Variants in F5 observed in about 807,000 individuals in gnomAD.
The protein encoded by F5 is activated protein c cofactor.
F5 carries 138 observed loss-of-function variants against 216.4 expected under a neutral mutation model. The observed-to-expected ratio is 0.64, with a 90% CI of 0.56 to 0.73. F5 has a LOEUF of 0.73. F5 is among the 30% of genes least tolerant of loss of function. The pLI, the probability that F5 is intolerant of heterozygous loss-of-function variation, is 0.00. For missense variants in F5, 2,403 were observed against 2,674.0 expected, an observed-to-expected ratio of 0.90 and a Z score of 2.24; for synonymous variants, 916 against 930.7, an observed-to-expected ratio of 0.98 and a Z score of 0.29.
chr1:169,564,612 C>T (rs926376174), intron 3 of F5, among the ~76,000 whole-genome samples: 1 of 152,010 alleles, frequency 6.6e-6, no homozygotes, highest in African/African-American at 2.4e-5. Context: ...AATCTGGTTC[C>T]TTATGTTCTG....
intron 2 of F5, among the ~76,000 whole-genome samples, chr1:169,574,536 C>T (rs1571600315): frequency 6.6e-6 from 1 of 152,294 alleles, no homozygotes; most frequent in East Asian, 1.9e-4. Flanking sequence ...AGAAGGAAGT[C>T]ACGGCACTCA....
intron 23 of F5, 99 bp from the exon 24 acceptor site, chr1:169,515,725 T>A: frequency 8.0e-7 from 1 of 1,245,944 alleles, no homozygotes. Context: ...TCAAAAGGAT[T>A]TTGTTCTATC....
Position 169,581,582 on chromosome 1 carries a change from G to A in F5, c.250+849C>T, listed in dbSNP as rs374094884. Among the ~76,000 whole-genome samples the A allele has an allele frequency of 3.3e-4, 50 of 152,280 alleles. 1 individual carries two copies. The South Asian group carries it at 0.01, about 31-fold the overall frequency. ...AGATTAAAGGAGATCAGAAGAGGCAGGACAGACTAGGATGATTCTGGGAAA... is the reference window on the plus strand; with the variant it reads ...AGATTAAAGGAGATCAGAAGAGGCAAGACAGACTAGGATGATTCTGGGAAA... On this transcript the variant is annotated intron_variant, in intron 2 of 24. Transcript: ENST00000367797.
rs186923190 is a variant in F5, at chr1:169,578,789, G to A, written c.250+3642C>T. On this transcript the variant is annotated intron_variant, in intron 2 of 24. Coordinates refer to ENST00000367797, the MANE Select transcript of F5 (RefSeq NM_000130.5). ...CTACAAACTTAATTTTATTTGCAAC[G>A]TTATCCTCTGCTTTCCTGGCCCCCC... 4.3e-3 allele frequency among the ~76,000 whole-genome samples: 660 copies of A among 152,174 alleles called. 4 individuals are homozygous for A. Among genetic ancestry groups the A allele is most frequent in the African/African-American group, 0.015 (636 of 41,500 alleles).
rs1659901397 is a variant in F5 at position 169,542,852 on chromosome 1, C to G, written c.2238G>C (p.Gln746His). 1 of 1,614,084 alleles carries G rather than the reference C, an allele frequency of 6.2e-7. No homozygotes were observed. Among genetic ancestry groups the G allele is most frequent in the African/African-American group, 1.3e-5 (1 of 75,018 alleles). ...IRSFRNSSLN[Q>H]EEEEFNLTAL... ...CAGTAAGATTGAACTCTTCTTCTTC[C>G]TGATTCAATGATGAGTTTCGGAATG... Residue 746 changes from glutamine to histidine, a missense_variant, in exon 13 of 25, where the codon CAG becomes CAC. By Grantham distance (24) the Gln-to-His change is conservative. Transcript: ENST00000367797.
rs140530655 is a variant in F5, at chr1:169,544,331, C to T, written c.1940G>A (p.Arg647His). ...CATTGTGACCGTCACAGATTCTCCA[C>T]GCATGGGGAAGAGGGTCAAGGTGTC... ...HEDTLTLFPM[R>H]GESVTVTMDN... Residue 647 changes from arginine to histidine, a missense_variant, in exon 12 of 25, where the codon CGT (arginine) becomes CAT (histidine). Transcript: ENST00000367797. 102 of 1,614,040 alleles carry T rather than the reference C, an allele frequency of 6.3e-5. No homozygotes were observed. Among genetic ancestry groups the T allele is most frequent in the Non-Finnish European group, 7.9e-5 (93 of 1,179,950 alleles).
chr1:169,530,930 A>C lies in F5; in HGVS notation c.5064T>G (p.Asp1688Glu). 6.2e-7 allele frequency: 1 copy of C among 1,613,910 alleles called. No individual in the cohort carries two copies. Among genetic ancestry groups the C allele is most frequent in the East Asian group, 2.2e-5 (1 of 44,878 alleles). ...CTTCCTTAAACCATTCAGGAGAGTC[A>C]TCTTCATAAGTCTTTCCCTCTGATG... is the stretch of plus-strand genomic sequence containing the variant. ...EKSSEGKTYEDDSPEWFKEDN... is the reference protein window; with the variant it reads ...EKSSEGKTYEEDSPEWFKEDN... The change falls in exon 15 of 25, where the codon GAT (aspartate) becomes GAG (glutamate). Residue 1688 changes from aspartate (D) to glutamate (E), a missense_variant. Asp to Glu is a conservative substitution (Grantham distance 45). Transcript: ENST00000367797.
chr1:169,555,095 G>A (rs1176423380), intron 7 of F5, 87 bp downstream of exon 7: 2 of 1,481,114 alleles, frequency 1.4e-6, no homozygotes, highest in Non-Finnish European at 1.9e-6. Flanking sequence ...CTTGAGAGCT[G>A]TGAACTTACA....
Position 169,523,909 on chromosome 1 carries a change from A to G in F5, c.5789-5T>C, listed in dbSNP as rs754891246. The G allele has an allele frequency of 1.2e-6, 2 of 1,605,200 alleles. No individual in the cohort carries two copies. Among genetic ancestry groups the G allele is most frequent in the Non-Finnish European group, 1.7e-6 (2 of 1,172,404 alleles). On this transcript the variant is annotated splice_region_variant and splice_polypyrimidine_tract_variant and intron_variant, in intron 19 of 24. Coordinates refer to ENST00000367797, the MANE Select transcript of F5 (RefSeq NM_000130.5). ...CTAATCTGGGCTCCCAGTAACCTAAACTCAAGGGAAGAAAAAGATTTATTC... is the reference window on the plus strand; with the variant it reads ...CTAATCTGGGCTCCCAGTAACCTAAGCTCAAGGGAAGAAAAAGATTTATTC...
intron 12 of F5, among the ~76,000 whole-genome samples, 174 bp downstream of exon 12, chr1:169,544,122 C>T (rs529612345): frequency 6.6e-6 from 1 of 152,206 alleles, no homozygotes; most frequent in South Asian, 2.1e-4. Context: ...GAACTGGATC[C>T]ATTTAAGTCA....
At chr1:169,553,333 A>G (rs1660219393) in intron 7 of F5, among the ~76,000 whole-genome samples, 2 of 152,198 alleles carry the variant, frequency 1.3e-5, no homozygotes, top group African/African-American at 2.4e-5. Context: ...TTATTACCTT[A>G]GTTTGCAAAA....
chr1:169,530,275 A>T (rs1433830117), intron 15 of F5, among the ~76,000 whole-genome samples: 1 of 152,204 alleles, frequency 6.6e-6, no homozygotes, highest in African/African-American at 2.4e-5. Flanking sequence ...TTATGCATTG[A>T]CAGGGTAAAA....
In F5 at chr1:169,514,217, A is replaced by G; in HGVS notation, c.*96T>C. ...TAGAAAAGAAAGAGAAATAGTGGAA[A>G]ACTGTTAACATTTAACACAGCGTAA... On this transcript the variant is annotated 3_prime_UTR_variant, in exon 25 of 25. Coordinates refer to ENST00000367797, the MANE Select transcript of F5 (RefSeq NM_000130.5). The G allele has an allele frequency of 7.8e-7, 1 of 1,279,620 alleles. No individual in the cohort carries two copies. Among genetic ancestry groups the G allele is most frequent in the South Asian group, 1.2e-5 (1 of 80,164 alleles). 79.3% of individuals were successfully genotyped at this position (1,279,620 alleles called of 1,614,324 possible).
At chr1:169,538,162 C>T (rs530445022) in intron 13 of F5, among the ~76,000 whole-genome samples, 11 of 151,782 alleles carry the variant, frequency 7.2e-5, no homozygotes, top group Admixed American at 2.6e-4. Context: ...AAAAAGAAAA[C>T]GAAGAAATGC....
At position 169,560,735 on chromosome 1, in the gene F5, C is replaced by T. The variant is rs6029; in HGVS notation, c.405G>A (p.Ala135=). Residue 135 remains alanine (A), a synonymous_variant, in exon 4 of 25, where the codon GCG becomes GCA. Transcript: ENST00000367797. ...GAGCCACAGCGTCGTCCATCTTCTCCGCAGGGAATGTGTGGTCAAGGTAAG... is the reference window on the plus strand; with the variant it reads ...GAGCCACAGCGTCGTCCATCTTCTCTGCAGGGAATGTGTGGTCAAGGTAAG... ...GASYLDHTFP[A]EKMDDAVAPG... is the part of the protein sequence containing the mutation. 338,337 of 1,612,154 alleles carry T rather than the reference C, an allele frequency of 0.21. 45,051 individuals carry two copies. Among genetic ancestry groups the T allele is most frequent in the East Asian group, 0.61 (27,139 of 44,796 alleles).
At chr1:169,557,813 C>T (rs781623739) in intron 5 of F5, among the ~76,000 whole-genome samples, 18 of 151,942 alleles carry the variant, frequency 1.2e-4, no homozygotes, top group Admixed American at 6.6e-4. Context: ...TTGGTGGAAG[C>T]GTTTATCCAT....
At chr1:169,563,608 A>C (rs778567450) in intron 3 of F5, among the ~76,000 whole-genome samples, 11 of 151,990 alleles carry the variant, frequency 7.2e-5, no homozygotes, top group African/African-American at 9.7e-5. Context: ...AATTTCATCC[A>C]GTGTTTGTTG....
intron 3 of F5, among the ~76,000 whole-genome samples, chr1:169,563,465 T>C (rs1246499806): frequency 1.3e-5 from 2 of 152,096 alleles, no homozygotes; most frequent in African/African-American, 2.4e-5. Flanking sequence ...GATCACTTGA[T>C]ATGGTCCCAC....
In F5 at chr1:169,530,935, C is replaced by T. The variant is rs201556325; in HGVS notation, c.5059G>A (p.Glu1687Lys). 2.8e-5 allele frequency: 45 copies of T among 1,613,874 alleles called. No homozygotes were observed. The highest frequency in any genetic ancestry group is 2.5e-4 in the South Asian group (23 of 91,084). The change falls in exon 15 of 25, where the codon GAA becomes AAA. Residue 1687 changes from glutamate (E) to lysine (K), a missense_variant. Glu to Lys is a moderately conservative substitution (Grantham distance 56, BLOSUM62 1). This residue lies in a region of F5 where 659 missense variants were observed against 787.9 expected (regional missense o/e 0.84). Coordinates refer to ENST00000367797, the MANE Select transcript of F5 (RefSeq NM_000130.5). ...TTAAACCATTCAGGAGAGTCATCTT[C>T]ATAAGTCTTTCCCTCTGATGATTTT... ...YEKSSEGKTY[E>K]DDSPEWFKED...
Sources: gnomAD v4.1 joint callset for allele counts (sites outside exome capture counted in the v4.1 genomes callset) on GRCh38, gnomAD v4.1.1 for gene constraint, gnomAD v4.1.1 regional missense constraint, MANE v1.5 for transcripts, NCBI Gene and HGNC (gene_info 2026-07-23, HGNC 2026-07-21) for gene names.